Variants in TGM4 observed in about 807,000 individuals in gnomAD.
TGM4 encodes transglutaminase 4.
In TGM4, 61 loss-of-function variants were observed where a neutral mutation model predicts 76.3. That is an observed-to-expected ratio of 0.80 (90% CI 0.65 to 0.99). The LOEUF is 0.99. Among genes scored for constraint, TGM4 ranks in the 50% least tolerant of loss-of-function variants. The pLI is 0.00. For missense variants in TGM4, 794 were observed against 843.2 expected (o/e 0.94, Z 0.72); for synonymous variants, 337 against 329.8 (o/e 1.02, Z -0.24).
chr3:44,899,337 T>TA (rs1699822012), intron 6 of TGM4: 1 of 152,232 alleles, frequency 6.6e-6, no homozygotes, highest in Non-Finnish European at 1.5e-5. Flanking sequence ...TGCTCCTTCC[T>TA]AGTGCCCTGC....
chr3:44,911,385 C>A lies in TGM4; in HGVS notation c.1892C>A (p.Ser631Ter). 6.2e-7 allele frequency: 1 copy of A among 1,614,226 alleles called. No homozygotes were observed. Among genetic ancestry groups the A allele is most frequent in the Non-Finnish European group, 8.5e-7 (1 of 1,180,052 alleles). The change falls in exon 13 of 14, where the codon TCA becomes TAA. Residue 631 changes from serine (S) to a stop codon, truncating the protein, a stop_gained. Transcript: ENST00000296125. LOFTEE classifies it low-confidence loss of function (END_TRUNC). The part of the protein sequence containing the change: ...KFSLESLGIS[S>*]LQTSDHGTVQ... Reference sequence around the variant, plus strand: ...TCTTTGGAAAGCCTGGGCATCTCCTCACTACAGACCTCTGACCATGGGTGA... The same window carrying A: ...TCTTTGGAAAGCCTGGGCATCTCCTAACTACAGACCTCTGACCATGGGTGA...
At chr3:44,892,568 G>A (rs1010891768) in intron 4 of TGM4, among the ~76,000 whole-genome samples, 13 of 151,758 alleles carry the variant, frequency 8.6e-5, no homozygotes, top group East Asian at 2.0e-4. Context: ...ACAGGGTTTC[G>A]CCATGTTGGT....
Position 44,901,582 on chromosome 3 carries a change from G to A in TGM4, c.716G>A (p.Gly239Asp), listed in dbSNP as rs1441289237. 6.2e-7 allele frequency: 1 copy of A among 1,614,040 alleles called. No individual in the cohort carries two copies. Among genetic ancestry groups the A allele is most frequent in the Non-Finnish European group, 8.5e-7 (1 of 1,179,952 alleles). Residue 239 changes from glycine to aspartate, a missense_variant, in exon 7 of 14, where the codon GGT becomes GAT. By Grantham distance (94) the Gly-to-Asp change is moderately conservative. Transcript: ENST00000296125. Reference sequence around the variant, plus strand: ...GGGAATTGGACTGGGGACTACGAAGGTGGCACAGCCCCATACAAGTGGACA... The same window carrying A: ...GGGAATTGGACTGGGGACTACGAAGATGGCACAGCCCCATACAAGTGGACA... ...LIGNWTGDYE[G>D]GTAPYKWTGS... is the part of the protein sequence containing the mutation.
intron 1 of TGM4, among the ~76,000 whole-genome samples, chr3:44,880,331 G>A (rs1465164489): frequency 3.9e-5 from 6 of 152,240 alleles, no homozygotes; most frequent in African/African-American, 1.4e-4. Context: ...CTAGGAGCCA[G>A]TTTCTGCCTA....
intron 5 of TGM4, 40 bp from the exon 6 acceptor site, chr3:44,896,669 G>A (rs371404787): frequency 6.9e-6 from 11 of 1,596,390 alleles, no homozygotes; most frequent in East Asian, 2.2e-5. Context: ...CTGACACAGG[G>A]CAAAGTCTTA....
Position 44,914,021 on chromosome 3 carries a change from G to A in TGM4, c.*296G>A. On this transcript the variant is annotated 3_prime_UTR_variant, in exon 14 of 14. Transcript: ENST00000296125. The stretch of plus-strand genomic sequence containing the variant: ...ACCATTGTCTCAATTCAAATCCATA[G>A]ATTTCGAAGCCACAGAGTCTCTCCC... 3.3e-6 allele frequency: 1 copy of A among 299,164 alleles called. No homozygotes were observed. Among genetic ancestry groups the A allele is most frequent in the Non-Finnish European group, 6.2e-6 (1 of 161,728 alleles). The allele number at this position is 299,164 out of a possible 1,614,324, so 18.5% of individuals were successfully genotyped here. A position where few individuals can be genotyped will look rare whatever the true frequency, so the allele number is the denominator to read the frequency against.
intron 10 of TGM4, among the ~76,000 whole-genome samples, chr3:44,907,556 T>G (rs1020241649): frequency 1.3e-5 from 2 of 152,144 alleles, no homozygotes; most frequent in Non-Finnish European, 2.9e-5. Flanking sequence ...GCTAAGACTG[T>G]CCGTTCTCCC....
At chr3:44,882,623 C>T (rs1462196040) in intron 1 of TGM4, among the ~76,000 whole-genome samples, 2 of 152,140 alleles carry the variant, frequency 1.3e-5, no homozygotes, top group African/African-American at 4.8e-5. Context: ...TTCACATGAC[C>T]CTCCCCTTGC....
At chr3:44,909,854 T>A (rs952396934) in intron 10 of TGM4, among the ~76,000 whole-genome samples, 15 of 152,254 alleles carry the variant, frequency 9.9e-5, no homozygotes, top group Non-Finnish European at 1.8e-4. Context: ...TCATTGCTTT[T>A]ATGGAGAAGC....
chr3:44,885,624 C>T, intron 2 of TGM4, 126 bp downstream of exon 2: 1 of 1,010,826 alleles, frequency 9.9e-7, no homozygotes, highest in East Asian at 2.7e-5. Context: ...CCCAGTTTCT[C>T]CATCTGTAAT....
At chr3:44,880,567 T>A (rs1575710054) in intron 1 of TGM4, among the ~76,000 whole-genome samples, 1 of 152,074 alleles carries the variant, frequency 6.6e-6, no homozygotes, top group South Asian at 2.1e-4. Flanking sequence ...TGATTTCTTG[T>A]GGCAAAAAGT....
rs768072770 is a variant in TGM4 at position 44,887,917 on chromosome 3, C to A, written c.300+122C>A. The A allele has an allele frequency of 4.6e-5, 38 of 828,196 alleles. No individual in the cohort carries two copies. The Middle Eastern group carries it at 2.4e-3, about 53-fold the overall frequency. The allele number at this position is 828,196 out of a possible 1,614,324, so 51.3% of individuals were successfully genotyped here. A position where few individuals can be genotyped will look rare whatever the true frequency, so the allele number is the denominator to read the frequency against. ...TAACATGGTTTAAAGCCATCCACAG[C>A]ACAGCATGATAGAGGGGCCATGGCT... On this transcript the variant is annotated intron_variant, in intron 3 of 13. Transcript: ENST00000296125.
chr3:44,893,078 A>G (rs951975976), intron 4 of TGM4, among the ~76,000 whole-genome samples: 1 of 152,196 alleles, frequency 6.6e-6, no homozygotes, highest in African/African-American at 2.4e-5. Flanking sequence ...ATGTGGACAC[A>G]TTTTAAGACC....
At chr3:44,894,622 C>T (rs1699755143) in intron 5 of TGM4, among the ~76,000 whole-genome samples, 1 of 151,152 alleles carries the variant, frequency 6.6e-6, no homozygotes, top group East Asian at 2.0e-4. Context: ...GTGAGGATGC[C>T]AGACACCAGA....
At chr3:44,896,640 G>A in intron 5 of TGM4, 69 bp from the exon 6 acceptor site, 1 of 1,448,316 alleles carries the variant, frequency 6.9e-7, no homozygotes, top group Non-Finnish European at 9.7e-7. Flanking sequence ...ATGCAAATTA[G>A]ATGGTATGTG....
chr3:44,906,920 G>A, intron 9 of TGM4, 29 bp from the exon 10 acceptor site: 2 of 1,608,016 alleles, frequency 1.2e-6, no homozygotes, highest in South Asian at 1.1e-5. Flanking sequence ...GAACCCCACT[G>A]AGAGTGACCA....
rs898869030 is a variant in TGM4 at position 44,913,960 on chromosome 3, T to C, written c.*235T>C. On this transcript the variant is annotated 3_prime_UTR_variant, in exon 14 of 14. Coordinates refer to ENST00000296125, the MANE Select transcript of TGM4 (RefSeq NM_003241.4). ...CACCAGCCGAGGCCACAGAATCCCA[T>C]CCCTTTCCTGAGTCATGGCCTCAAA... 6.7e-6 allele frequency: 3 copies of C among 449,068 alleles called. No individual in the cohort carries two copies. The highest frequency in any genetic ancestry group is 4.1e-5 in the Admixed American group (1 of 24,608). The allele number at this position is 449,068 out of a possible 1,614,324, so 27.8% of individuals were successfully genotyped here. A position where few individuals can be genotyped will look rare whatever the true frequency, so the allele number is the denominator to read the frequency against.
chr3:44,879,239 C>T (rs1327947236), intron 1 of TGM4, among the ~76,000 whole-genome samples: 1 of 82,794 alleles, frequency 1.2e-5, no homozygotes, highest in African/African-American at 4.6e-5. Flanking sequence ...ATTTTATGGT[C>T]TCTCTCTCTC....
intron 10 of TGM4, among the ~76,000 whole-genome samples, chr3:44,907,829 C>T (rs553451890): frequency 6.6e-6 from 1 of 152,284 alleles, no homozygotes; most frequent in East Asian, 1.9e-4. Flanking sequence ...TTGTATTTCC[C>T]CTGTGGCCCA....
Sources: allele counts gnomAD v4.1 joint callset (sites outside exome capture counted in the v4.1 genomes callset), GRCh38; gene constraint gnomAD v4.1.1; transcripts MANE v1.5; gene names NCBI Gene and HGNC (gene_info 2026-07-23, HGNC 2026-07-21).